SYT9: variants seen among roughly 807,000 people sequenced by gnomAD.
SYT9 encodes synaptotagmin-9.
In SYT9, 22 loss-of-function variants were observed where a neutral mutation model predicts 48.4. The observed-to-expected ratio is 0.45, with a 90% CI of 0.32 to 0.65. SYT9 has a LOEUF of 0.65. SYT9 is among the 30% of genes least tolerant of loss of function. The pLI, the probability that SYT9 is intolerant of heterozygous loss-of-function variation, is 0.03. For missense variants in SYT9, 577 were observed against 622.0 expected (o/e 0.93, Z 0.77); for synonymous variants, 265 against 245.0 (o/e 1.08, Z -0.76).
intron 3 of SYT9, among the ~76,000 whole-genome samples, chr11:7,318,123 T>A (rs916787275): frequency 6.6e-6 from 1 of 152,224 alleles, no homozygotes; most frequent in Non-Finnish European, 1.5e-5. Context: ...TTCTTTAAAG[T>A]TTTTTATTCA....
chr11:7,442,788 C>T (rs1168786684), intron 6 of SYT9, among the ~76,000 whole-genome samples: 1 of 152,178 alleles, frequency 6.6e-6, no homozygotes, highest in African/African-American at 2.4e-5. Flanking sequence ...GCTGCCCTCC[C>T]CTGGCCATTG....
intron 1 of SYT9, among the ~76,000 whole-genome samples, chr11:7,257,184 A>C (rs564629718): frequency 3.9e-5 from 6 of 152,180 alleles, no homozygotes; most frequent in Admixed American, 1.3e-4. Flanking sequence ...AACCCTTCTC[A>C]GCTCAGCTCA....
chr11:7,275,532 A>AT (rs1165231618), intron 1 of SYT9, among the ~76,000 whole-genome samples: 1 of 152,084 alleles, frequency 6.6e-6, no homozygotes, highest in Non-Finnish European at 1.5e-5. Context: ...AAATGTTGGC[A>AT]TTTTTTATAT....
At chr11:7,316,942 T>G (rs926734056) in intron 3 of SYT9, among the ~76,000 whole-genome samples, 1 of 152,252 alleles carries the variant, frequency 6.6e-6, no homozygotes, top group Non-Finnish European at 1.5e-5. Context: ...TGTTCAGCAC[T>G]TATTCTTTTG....
intron 3 of SYT9, among the ~76,000 whole-genome samples, chr11:7,368,123 A>G (rs1168346882): frequency 6.6e-6 from 1 of 152,230 alleles, no homozygotes; most frequent in Non-Finnish European, 1.5e-5. Context: ...ACTTGAATCC[A>G]TTTGGAATTA....
At chr11:7,310,195 G>C (rs549134076) in intron 2 of SYT9, among the ~76,000 whole-genome samples, 1 of 152,062 alleles carries the variant, frequency 6.6e-6, no homozygotes, top group African/African-American at 2.4e-5. Context: ...GTGTAGTGGC[G>C]TGATCTCCAC....
At chr11:7,358,130 A>G (rs1850058183) in intron 3 of SYT9, among the ~76,000 whole-genome samples, 3 of 152,146 alleles carry the variant, frequency 2.0e-5, no homozygotes, top group African/African-American at 7.2e-5. Flanking sequence ...GAAGACGAAA[A>G]TGGTATAGAA....
upstream of SYT9, among the ~76,000 whole-genome samples, chr11:7,247,684 G>GTGTA (rs1554895413): frequency 1.6e-3 from 224 of 142,958 alleles, 1 homozygote; most frequent in Non-Finnish European, 2.2e-3. Flanking sequence ...ATATATGTGT[G>GTGTA]TATATATATA....
At chr11:7,259,441 GAA>G (rs2119804743) in intron 1 of SYT9, among the ~76,000 whole-genome samples, 1 of 152,020 alleles carries the variant, frequency 6.6e-6, no homozygotes, top group Admixed American at 6.6e-5. Flanking sequence ...TTCCTTTTGG[GAA>G]AATTTTTTCA....
chr11:7,417,864 A>G (rs35452185), intron 4 of SYT9, 93 bp from the exon 5 acceptor site: 187,792 of 1,362,596 alleles, frequency 0.14, 13,770 homozygotes, highest in East Asian at 0.27. Flanking sequence ...GGAGTTCAGC[A>G]TACCATAGTC....
chr11:7,408,359 C>T (rs578031349), intron 3 of SYT9, among the ~76,000 whole-genome samples: 12 of 152,246 alleles, frequency 7.9e-5, no homozygotes, highest in South Asian at 6.2e-4. Flanking sequence ...AACTCCTGAC[C>T]TCAGGTGATC....
chr11:7,347,842 A>G (rs775704056), intron 3 of SYT9, among the ~76,000 whole-genome samples: 1 of 152,124 alleles, frequency 6.6e-6, no homozygotes, highest in Non-Finnish European at 1.5e-5. Context: ...TGTTCTTTCA[A>G]CAGACAGGCT....
At chr11:7,300,840 G>A (rs903436825) in intron 1 of SYT9, among the ~76,000 whole-genome samples, 4 of 152,038 alleles carry the variant, frequency 2.6e-5, no homozygotes, top group Admixed American at 6.6e-5. Context: ...CTGTGTGAGC[G>A]GTCAGAACCA....
At chr11:7,367,283 C>A (rs575606700) in intron 3 of SYT9, among the ~76,000 whole-genome samples, 77 of 148,900 alleles carry the variant, frequency 5.2e-4, no homozygotes, top group African/African-American at 1.8e-3. Flanking sequence ...TTAGTAGAGA[C>A]GGGGTTTCAC....
intron 1 of SYT9, among the ~76,000 whole-genome samples, chr11:7,294,515 A>G (rs1002033944): frequency 1.3e-4 from 20 of 152,252 alleles, no homozygotes; most frequent in African/African-American, 4.3e-4. Context: ...TCCAAATACA[A>G]TGGTGAAAAG....
intron 6 of SYT9, 24 bp from the exon 7 acceptor site, chr11:7,466,768 T>G (rs1848344631): frequency 7.5e-6 from 12 of 1,608,970 alleles, no homozygotes; most frequent in Non-Finnish European, 1.0e-5. Flanking sequence ...AGCCAAATTA[T>G]TTTTTTGTTT....
intron 5 of SYT9, among the ~76,000 whole-genome samples, chr11:7,419,832 G>C (rs1383171083): frequency 6.6e-6 from 1 of 152,168 alleles, no homozygotes; most frequent in Non-Finnish European, 1.5e-5. Context: ...GGAGCTGGAG[G>C]TTGCAGTGAG....
chr11:7,423,336 A>T (rs1199228433), intron 6 of SYT9, among the ~76,000 whole-genome samples: 1 of 152,154 alleles, frequency 6.6e-6, no homozygotes, highest in East Asian at 1.9e-4. Flanking sequence ...ACAGTATTGG[A>T]GAGGTTGGCC....
At chr11:7,436,624 G>T (rs151140949) in intron 6 of SYT9, among the ~76,000 whole-genome samples, 4 of 151,968 alleles carry the variant, frequency 2.6e-5, no homozygotes, top group African/African-American at 9.7e-5. Context: ...TGGTTTTTTT[G>T]TTTGTTTGTT....
Sources: gnomAD v4.1 joint callset for allele counts (sites outside exome capture counted in the v4.1 genomes callset) on GRCh38, gnomAD v4.1.1 for gene constraint, MANE v1.5 for transcripts, NCBI Gene and HGNC (gene_info 2026-07-23, HGNC 2026-07-21) for gene names.